Variants in ABAT observed in about 807,000 individuals in gnomAD.
ABAT encodes the protein 4-aminobutyrate aminotransferase, mitochondrial.
In ABAT, 45 loss-of-function variants were observed where a neutral mutation model predicts 64.6. The ratio of observed to expected loss-of-function variants is 0.70; its 90% CI spans 0.55 to 0.89. The LOEUF is 0.89. Among genes scored for constraint, ABAT ranks in the 40% least tolerant of loss-of-function variants. The probability of loss-of-function intolerance (pLI) is 0.00; values close to 1 mark genes in which losing one functional copy is unlikely to be tolerated. For synonymous variants in ABAT, 297 were observed against 250.5 expected (o/e 1.19, Z -1.75); for missense variants, 633 against 658.4 (o/e 0.96, Z 0.42).
At chr16:8,741,325 G>A (rs562433780) in intron 2 of ABAT, among the ~76,000 whole-genome samples, 5 of 152,184 alleles carry the variant, frequency 3.3e-5, no homozygotes, top group African/African-American at 1.2e-4. Flanking sequence ...TCATTCAAAG[G>A]CTAGCACTCG....
In ABAT at chr16:8,764,080, C is replaced by T. The variant is rs1421638804; in HGVS notation, c.378C>T (p.Val126=). 1.2e-6 allele frequency: 2 copies of T among 1,613,722 alleles called. No individual in the cohort carries two copies. Among genetic ancestry groups the T allele is most frequent in the African/African-American group, 2.7e-5 (2 of 74,874 alleles). ...TTGCCCTTTTGCAGAGCATGTTTGT[C>T]AACAGACCCGCCCTCGGAATCCTGC... ...IQQPQNASMF[V]NRPALGILPP... Residue 126 remains valine, a synonymous_variant, in exon 7 of 16, where the codon GTC becomes GTT. Coordinates refer to ENST00000268251, the MANE Select transcript of ABAT (RefSeq NM_020686.6). The surrounding 1 kb of genome is among the most constrained non-coding windows in gnomAD (Gnocchi z 4.2).
chr16:8,744,466 C>G (rs1461339093), intron 2 of ABAT, among the ~76,000 whole-genome samples: 2 of 151,812 alleles, frequency 1.3e-5, no homozygotes, highest in Non-Finnish European at 2.9e-5. Context: ...CTCCTGGGTT[C>G]AAGCGATTCT....
intron 1 of ABAT, among the ~76,000 whole-genome samples, chr16:8,714,415 G>T (rs1444424297): frequency 3.9e-5 from 6 of 152,260 alleles, no homozygotes; most frequent in African/African-American, 1.4e-4. Flanking sequence ...GAGAATCTCA[G>T]TTGACAGCCA....
At chr16:8,708,141 T>C (rs2057989648) in intron 1 of ABAT, among the ~76,000 whole-genome samples, 1 of 148,812 alleles carries the variant, frequency 6.7e-6, no homozygotes, top group Non-Finnish European at 1.5e-5. Flanking sequence ...TCATTCCCTC[T>C]AATTCTCAGC....
chr16:8,771,850 C>T (rs2060119527), intron 11 of ABAT, among the ~76,000 whole-genome samples: 1 of 152,012 alleles, frequency 6.6e-6, no homozygotes, highest in African/African-American at 2.4e-5. Flanking sequence ...ACTGCGATCT[C>T]ACAGTCCTGG....
intron 1 of ABAT, among the ~76,000 whole-genome samples, chr16:8,723,224 T>C (rs971810413): frequency 1.3e-5 from 2 of 151,898 alleles, no homozygotes; most frequent in Non-Finnish European, 2.9e-5. Flanking sequence ...CAGAGTAAGA[T>C]CGTGTCTCTC....
chr16:8,772,777 C>T lies in ABAT; in HGVS notation c.817-3C>T, dbSNP rs765189180. 6.2e-7 allele frequency: 1 copy of T among 1,614,074 alleles called. No individual in the cohort carries two copies. The highest frequency in any genetic ancestry group is 1.1e-5 in the South Asian group (1 of 91,074). On this transcript the variant is annotated splice_polypyrimidine_tract_variant and splice_region_variant and intron_variant, in intron 11 of 15. Transcript: ENST00000268251. ...GGTGGTCACTTTCCCCTTTGGGATCCAGGTGGAGGATCTGATTGTGAAATA... is the reference window on the plus strand; with the variant it reads ...GGTGGTCACTTTCCCCTTTGGGATCTAGGTGGAGGATCTGATTGTGAAATA...
At chr16:8,773,500 G>A (rs7193305) in intron 12 of ABAT, among the ~76,000 whole-genome samples, 3,867 of 152,206 alleles carry the variant, frequency 0.025, 176 homozygotes, top group African/African-American at 0.089. Flanking sequence ...GTTGCAGTGC[G>A]TAATGATCAA....
chr16:8,736,118 G>A (rs1364078196), intron 2 of ABAT: 1 of 378,690 alleles, frequency 2.6e-6, no homozygotes, highest in South Asian at 2.5e-5. Flanking sequence ...AGCATGTGCA[G>A]GGGAACTCCC....
chr16:8,744,823 G>GTGTCTCTGC (rs970719528), intron 2 of ABAT, among the ~76,000 whole-genome samples: 1 of 151,970 alleles, frequency 6.6e-6, no homozygotes, highest in African/African-American at 2.4e-5. Context: ...AGCCCAGATC[G>GTGTCTCTGC]TGTCTCTGCA....
At chr16:8,747,136 G>A (rs566534993) in intron 3 of ABAT, among the ~76,000 whole-genome samples, 1 of 152,278 alleles carries the variant, frequency 6.6e-6, no homozygotes, top group East Asian at 1.9e-4. Context: ...TCCTTCTGCT[G>A]GCCAAAGCCA....
At chr16:8,771,074 TC>T (rs892659592) in intron 11 of ABAT, among the ~76,000 whole-genome samples, 24 of 152,162 alleles carry the variant, frequency 1.6e-4, no homozygotes, top group Admixed American at 3.9e-4. Context: ...GGCGGGCAGA[TC>T]ACCTGAGGTC....
At chr16:8,683,171 A>T (rs1219070835) in intron 1 of ABAT, 1 of 152,236 alleles carries the variant, frequency 6.6e-6, no homozygotes, top group Non-Finnish European at 1.5e-5. Context: ...GCCCAAGGTC[A>T]CACGATGACC....
intron 15 of ABAT, chr16:8,780,877 G>A: frequency 2.4e-6 from 1 of 414,604 alleles, no homozygotes; most frequent in Non-Finnish European, 4.5e-6. Context: ...TAATAGCTCA[G>A]CACCTCACAC....
chr16:8,748,221 C>G, intron 4 of ABAT, 84 bp downstream of exon 4: 1 of 1,316,114 alleles, frequency 7.6e-7, no homozygotes, highest in African/African-American at 1.5e-5. Context: ...TGTTCTGGCT[C>G]TTTTTTAAAA....
chr16:8,757,219 G>A, intron 5 of ABAT: 1 of 449,948 alleles, frequency 2.2e-6, no homozygotes. Context: ...CCAGGCTGGA[G>A]TGCAGTGGCG....
At chr16:8,723,227 T>A (rs375429450) in intron 1 of ABAT, among the ~76,000 whole-genome samples, 9 of 152,186 alleles carry the variant, frequency 5.9e-5, no homozygotes, top group Admixed American at 2.0e-4. Flanking sequence ...AGTAAGATCG[T>A]GTCTCTCAAA....
In ABAT at chr16:8,729,134, C is replaced by A. The variant is rs112069245; in HGVS notation, c.-41-6565C>A. ...CCATCCTTCACAACGTGAGAAAAAC[C>A]TGGCTCTACTGAAAAAAAAAAAAAT... On this transcript the variant is annotated intron_variant, in intron 1 of 15. Transcript: ENST00000268251. Among the ~76,000 whole-genome samples the A allele has an allele frequency of 9.7e-3, 1,254 of 128,844 alleles. 4 individuals are homozygous for A. The highest frequency in any genetic ancestry group is 0.049 in the Middle Eastern group (13 of 266). The allele number at this position is 128,844 out of a possible 152,430, so 84.5% of individuals were successfully genotyped here.
chr16:8,689,299 G>A (rs760461788), intron 1 of ABAT, among the ~76,000 whole-genome samples: 4 of 152,132 alleles, frequency 2.6e-5, no homozygotes, highest in Admixed American at 2.6e-4. Flanking sequence ...GTCCATATAT[G>A]CATGTATGTG....
Sources: allele counts gnomAD v4.1 joint callset (sites outside exome capture counted in the v4.1 genomes callset), GRCh38; gene constraint gnomAD v4.1.1; non-coding constraint Gnocchi (gnomAD v3.1); transcripts MANE v1.5; gene names NCBI Gene and HGNC (gene_info 2026-07-23, HGNC 2026-07-21).